The following RIMKLA variants were observed in gnomAD, a reference collection of about 807,000 sequenced individuals.
RIMKLA encodes ribosomal modification protein rimK like family member A.
RIMKLA carries 14 observed loss-of-function variants against 32.7 expected under a neutral mutation model. That is an observed-to-expected ratio of 0.43 (90% CI 0.28 to 0.67). The LOEUF is 0.67. RIMKLA is among the 30% of genes least tolerant of loss of function. The pLI is 0.18. For missense variants in RIMKLA, 410 were observed against 519.0 expected, an observed-to-expected ratio of 0.79 and a Z score of 2.04; for synonymous variants, 176 against 204.1, an observed-to-expected ratio of 0.86 and a Z score of 1.18.
At chr1:42,412,850 A>C (rs1643211843) in intron 4 of RIMKLA, 1 of 253,156 alleles carries the variant, frequency 4.0e-6, no homozygotes, top group Non-Finnish European at 7.7e-6. Context: ...AAAATCAATA[A>C]ATTGGCCAGG....
chr1:42,410,113 TGGTAGG>T lies in RIMKLA; in HGVS notation c.614_619del (p.Val205_Gly206del). The T allele has an allele frequency of 6.2e-7, 1 of 1,614,038 alleles. No individual in the cohort carries two copies. Among genetic ancestry groups the T allele is most frequent in the Non-Finnish European group, 8.5e-7 (1 of 1,179,998 alleles). On this transcript the variant is annotated inframe_deletion, in exon 4 of 5. Coordinates refer to ENST00000431473, the MANE Select transcript of RIMKLA (RefSeq NM_173642.4). ...CATGGAAAGGACATCCGGGTGGTGG[TGGTAGG>T]GGGCCAGGTCATAGGCTCTATGCTT...
Position 42,418,225 on chromosome 1 carries a change from T to C in RIMKLA, c.*3251T>C, listed in dbSNP as rs2148398766. ...TCTGGTAGTAGCATCTTGAAACTGG[T>C]CAAAACTTGAATGCCAATAGCTCAG... On this transcript the variant is annotated 3_prime_UTR_variant, in exon 5 of 5. Coordinates refer to ENST00000431473, the MANE Select transcript of RIMKLA (RefSeq NM_173642.4). 1 of 152,344 alleles carries C rather than the reference T, an allele frequency of 6.6e-6. No individual in the cohort carries two copies. The highest frequency in any genetic ancestry group is 1.9e-4 in the East Asian group (1 of 5,178). 9.4% of individuals were successfully genotyped at this position (152,344 alleles called of 1,614,324 possible). A position where few individuals can be genotyped will look rare whatever the true frequency, so the allele number is the denominator to read the frequency against.
In RIMKLA at chr1:42,414,691, A is replaced by G; in HGVS notation, c.893A>G (p.Tyr298Cys). Residue 298 changes from tyrosine to cysteine, a missense_variant, in exon 5 of 5, where the codon TAT (tyrosine) becomes TGT (cysteine). By Grantham distance (194) the Tyr-to-Cys change is radical. Transcript: ENST00000431473. ...GATGTGGGTGGGATCATTGCAGACT[A>G]TACCATGTCCTTGCTGCCAAATAGG... ...NLDVGGIIAD[Y>C]TMSLLPNRQT... The G allele has an allele frequency of 5.6e-6, 9 of 1,614,216 alleles. No homozygotes were observed. Among genetic ancestry groups the G allele is most frequent in the Non-Finnish European group, 7.6e-6 (9 of 1,180,030 alleles).
intron 4 of RIMKLA, among the ~76,000 whole-genome samples, chr1:42,413,620 G>A (rs1015574647): frequency 2.6e-5 from 4 of 151,708 alleles, no homozygotes; most frequent in Non-Finnish European, 5.9e-5. Flanking sequence ...TAATATTTTG[G>A]TGTCATATTC....
At chr1:42,407,282 T>A (rs1435488444) in intron 3 of RIMKLA, among the ~76,000 whole-genome samples, 4 of 152,222 alleles carry the variant, frequency 2.6e-5, no homozygotes, top group Admixed American at 2.6e-4. Context: ...CCATAGGTTG[T>A]CTTTTCATTT....
At chr1:42,401,424 G>A (rs117578010) in intron 2 of RIMKLA, among the ~76,000 whole-genome samples, 2,197 of 145,064 alleles carry the variant, frequency 0.015, 74 homozygotes, top group East Asian at 0.13. Context: ...TTGCCAGCCC[G>A]GATGACAGAA....
intron 1 of RIMKLA, among the ~76,000 whole-genome samples, chr1:42,383,961 G>C (rs1454869680): frequency 6.6e-6 from 1 of 152,156 alleles, no homozygotes; most frequent in Non-Finnish European, 1.5e-5. Flanking sequence ...TATAATTTAG[G>C]AAATTCAGGT....
At chr1:42,413,370 G>A (rs1409086635) in intron 4 of RIMKLA, among the ~76,000 whole-genome samples, 5 of 150,574 alleles carry the variant, frequency 3.3e-5, no homozygotes, top group Admixed American at 2.6e-4. Context: ...GTGTAGTGGC[G>A]GGCGCCTGTA....
chr1:42,385,907 CTTCTTTCCTTCTTTCT>C (rs1557750148), intron 1 of RIMKLA, among the ~76,000 whole-genome samples: 2 of 73,222 alleles, frequency 2.7e-5, no homozygotes, highest in Non-Finnish European at 5.4e-5. Flanking sequence ...TCCTTCTTTC[CTTCTTTCCTTCTTTCT>C]TTCTTTCTTT....
At chr1:42,413,014 G>A (rs1242106447) in intron 4 of RIMKLA, among the ~76,000 whole-genome samples, 1 of 152,012 alleles carries the variant, frequency 6.6e-6, no homozygotes, top group Non-Finnish European at 1.5e-5. Context: ...TGTGCCTGTA[G>A]TCCTAGCTAC....
Position 42,399,701 on chromosome 1 carries a change from A to G in RIMKLA, c.394+67A>G, listed in dbSNP as rs529619217. ...TGTTTTCTTTCCTTAGAAACCTTCT[A>G]GTATCTTTGTTGCTTTTGAATGTGA... On this transcript the variant is annotated intron_variant, in intron 2 of 4. Transcript: ENST00000431473. 152 of 973,150 alleles carry G rather than the reference A, an allele frequency of 1.6e-4. No homozygotes were observed. The African/African-American group carries it at 2.2e-3, about 14-fold the overall frequency. 60.3% of individuals were successfully genotyped at this position (973,150 alleles called of 1,614,324 possible). A position where few individuals can be genotyped will look rare whatever the true frequency, so the allele number is the denominator to read the frequency against.
chr1:42,409,944 G>A, intron 3 of RIMKLA, 40 bp from the exon 4 acceptor site: 1 of 1,520,752 alleles, frequency 6.6e-7, no homozygotes, highest in Non-Finnish European at 9.1e-7. Context: ...GAGTCCAGAG[G>A]CTTCTCTAAC....
At chr1:42,389,966 G>A (rs1216620630) in intron 1 of RIMKLA, among the ~76,000 whole-genome samples, 1 of 151,898 alleles carries the variant, frequency 6.6e-6, no homozygotes, top group Admixed American at 6.6e-5. Flanking sequence ...GTTGTAAAGG[G>A]AAGGTGAAAA....
chr1:42,386,513 T>G (rs1642948596), intron 1 of RIMKLA, among the ~76,000 whole-genome samples: 1 of 151,824 alleles, frequency 6.6e-6, no homozygotes, highest in Non-Finnish European at 1.5e-5. Flanking sequence ...TATAATTGGG[T>G]TTATATTGTT....
intron 1 of RIMKLA, among the ~76,000 whole-genome samples, chr1:42,383,263 T>TG (rs1480884675): frequency 6.6e-6 from 1 of 152,210 alleles, no homozygotes; most frequent in Admixed American, 6.5e-5. Context: ...TATTTTTTGA[T>TG]GCAGTTTTAA....
intron 1 of RIMKLA, among the ~76,000 whole-genome samples, chr1:42,397,729 A>G (rs957592829): frequency 6.6e-6 from 1 of 151,934 alleles, no homozygotes; most frequent in Non-Finnish European, 1.5e-5. Context: ...TGTCTAAAAA[A>G]AAAATAAAAT....
At position 42,410,138 on chromosome 1, in the gene RIMKLA, T is replaced by C. The variant is rs1013786976; in HGVS notation, c.636T>C (p.Ser212=). Residue 212 remains serine, a synonymous_variant, in exon 4 of 5, where the codon TCT becomes TCC. Coordinates refer to ENST00000431473, the MANE Select transcript of RIMKLA (RefSeq NM_173642.4). ...TGGTAGGGGGCCAGGTCATAGGCTC[T>C]ATGCTTCGCTGCTCCACTGATGGAC... ...VVVVGGQVIG[S]MLRCSTDGRM... 4 of 1,614,046 alleles carry C rather than the reference T, an allele frequency of 2.5e-6. No homozygotes were observed. Among genetic ancestry groups the C allele is most frequent in the Non-Finnish European group, 3.4e-6 (4 of 1,180,026 alleles).
chr1:42,391,155 A>G (rs1642996822), intron 1 of RIMKLA, among the ~76,000 whole-genome samples: 1 of 152,178 alleles, frequency 6.6e-6, no homozygotes. Context: ...CAGGAGTGGT[A>G]GCTGAGGTGG....
intron 1 of RIMKLA, among the ~76,000 whole-genome samples, chr1:42,395,136 C>G (rs1019683092): frequency 4.6e-5 from 7 of 152,090 alleles, no homozygotes; most frequent in Non-Finnish European, 1.0e-4. Context: ...TTTAATACAT[C>G]AAAATATTTT....
Sources: gnomAD v4.1 joint callset for allele counts (sites outside exome capture counted in the v4.1 genomes callset) on GRCh38, gnomAD v4.1.1 for gene constraint, MANE v1.5 for transcripts, NCBI Gene and HGNC (gene_info 2026-07-23, HGNC 2026-07-21) for gene names.